Variants in NPAS3 observed in about 807,000 individuals in gnomAD.
NPAS3 encodes neuronal PAS domain protein 3, also known as neuronal PAS domain-containing protein 3.
In NPAS3, 14 loss-of-function variants were observed where a neutral mutation model predicts 73.1. The ratio of observed to expected loss-of-function variants is 0.19; its 90% CI spans 0.13 to 0.30. The LOEUF is 0.30. NPAS3 is among the 10% of genes least tolerant of loss of function. The pLI is 1.00. For synonymous variants in NPAS3, 620 were observed against 541.5 expected (o/e 1.14, Z -2.01); for missense variants, 1,096 against 1,250.0 (o/e 0.88, Z 1.86).
At chr14:33,038,057 C>A (rs2040228850) in intron 1 of NPAS3, among the ~76,000 whole-genome samples, 1 of 152,168 alleles carries the variant, frequency 6.6e-6, no homozygotes, top group Admixed American at 6.5e-5. Flanking sequence ...GATCTATTTC[C>A]TCTTTTCTGT....
chr14:33,784,741 ATTTATTT>A lies in NPAS3; in HGVS notation c.1153+6173_1153+6179del, dbSNP rs1357445516. Among the ~76,000 whole-genome samples, 629 of 72,560 alleles carry A rather than the reference ATTTATTT, an allele frequency of 8.7e-3. 3 individuals are homozygous for A. Among genetic ancestry groups the A allele is most frequent in the Non-Finnish European group, 0.012 (479 of 40,220 alleles). 47.6% of individuals were successfully genotyped at this position (72,560 alleles called of 152,430 possible). On this transcript the variant is annotated intron_variant, in intron 9 of 11. Transcript: ENST00000356141. ...GTTATTTTTATTTATTTATTTATTT[ATTTATTT>A]TTTTTTTTTTTTTTTTTTTGAGACA...
chr14:33,023,746 G>A (rs1405302380), intron 1 of NPAS3, among the ~76,000 whole-genome samples: 1 of 151,948 alleles, frequency 6.6e-6, no homozygotes, highest in Non-Finnish European at 1.5e-5. Context: ...ATATTCTTTT[G>A]TGTTTTTTAA....
At chr14:33,109,916 C>T (rs1363822231) in intron 2 of NPAS3, among the ~76,000 whole-genome samples, 1 of 150,024 alleles carries the variant, frequency 6.7e-6, no homozygotes, top group Non-Finnish European at 1.5e-5. Flanking sequence ...GATCCTCCCA[C>T]CTCAGCCTCC....
chr14:33,801,284 G>A (rs559678390), downstream of NPAS3: 8 of 1,342,168 alleles, frequency 6.0e-6, no homozygotes, highest in African/African-American at 7.4e-5. Flanking sequence ...TTCGTGTAAA[G>A]ATATGTTTAT....
intron 5 of NPAS3, among the ~76,000 whole-genome samples, chr14:33,651,134 G>A (rs1430202966): frequency 1.3e-5 from 2 of 152,202 alleles, no homozygotes; most frequent in African/African-American, 4.8e-5. Context: ...CAAGGCCCGT[G>A]CAGAAATCAT....
At chr14:33,193,348 T>C (rs187557538) in intron 2 of NPAS3, among the ~76,000 whole-genome samples, 156 of 152,230 alleles carry the variant, frequency 1.0e-3, no homozygotes, top group Admixed American at 2.9e-3. Context: ...ATCCCAGCCA[T>C]AGGGGAGTCA....
intron 6 of NPAS3, among the ~76,000 whole-genome samples, chr14:33,694,884 TCTG>T (rs1276656037): frequency 2.6e-5 from 4 of 152,192 alleles, no homozygotes; most frequent in African/African-American, 9.7e-5. Context: ...ATTCTCTGTG[TCTG>T]CTTTTTTGGT....
chr14:33,765,555 A>G (rs2062434715), intron 7 of NPAS3, among the ~76,000 whole-genome samples: 1 of 152,184 alleles, frequency 6.6e-6, no homozygotes, highest in Admixed American at 6.5e-5. Flanking sequence ...CACAGGAAAT[A>G]TGCCCTGATC....
At chr14:33,426,916 G>A (rs767123921) in intron 4 of NPAS3, among the ~76,000 whole-genome samples, 1 of 152,054 alleles carries the variant, frequency 6.6e-6, no homozygotes, top group Non-Finnish European at 1.5e-5. Context: ...AGGACTTTAT[G>A]CAGGAAAATA....
chr14:33,338,209 A>G (rs532910628), intron 3 of NPAS3, among the ~76,000 whole-genome samples: 55 of 152,276 alleles, frequency 3.6e-4, no homozygotes, highest in Non-Finnish European at 6.5e-4. Context: ...CTTCTTAGAT[A>G]TAAATTTTAT....
chr14:33,321,146 A>T (rs774884000), intron 3 of NPAS3, among the ~76,000 whole-genome samples: 3 of 151,616 alleles, frequency 2.0e-5, no homozygotes, highest in Admixed American at 1.3e-4. Flanking sequence ...CCTACCAGAC[A>T]TCAGTCTTCA....
At position 33,800,867 on chromosome 14, in the gene NPAS3, G is replaced by T; in HGVS notation, c.2560G>T (p.Val854Leu). 3 of 1,606,480 alleles carry T rather than the reference G, an allele frequency of 1.9e-6. No homozygotes were observed. The highest frequency in any genetic ancestry group is 2.5e-6 in the Non-Finnish European group (3 of 1,177,002). The change falls in exon 12 of 12, where the codon GTG (valine) becomes TTG (leucine). Residue 854 changes from valine to leucine, a missense_variant. Around this residue, in one of 5 missense-constraint regions of NPAS3, gnomAD observed 698 missense variants for 676.7 expected, o/e 1.03. Transcript: ENST00000356141. This position sits in a 1 kb window ranked among gnomAD's most constrained non-coding sequence, Gnocchi z 6.5. ...GCCCAACGCGCACGCTGTTAACTTC[G>T]TGGACGTTAACAGCCCCGGCTTTGG... is the stretch of plus-strand genomic sequence containing the variant.
chr14:33,089,348 G>T (rs2042145323), intron 2 of NPAS3, among the ~76,000 whole-genome samples: 1 of 152,192 alleles, frequency 6.6e-6, no homozygotes, highest in Non-Finnish European at 1.5e-5. Flanking sequence ...ACTATGTGAT[G>T]AATGCACAAG....
intron 6 of NPAS3, among the ~76,000 whole-genome samples, chr14:33,712,976 G>A (rs1235486638): frequency 6.6e-6 from 1 of 152,130 alleles, no homozygotes; most frequent in Non-Finnish European, 1.5e-5. Flanking sequence ...TCTCTATGCT[G>A]TGTGGGGTCA....
chr14:33,371,986 A>G (rs981806229), intron 4 of NPAS3, among the ~76,000 whole-genome samples: 1 of 152,202 alleles, frequency 6.6e-6, no homozygotes. Flanking sequence ...TGAACCCAGG[A>G]TGGTAACACT....
At chr14:33,698,866 TGCC>T (rs1295820488) in intron 6 of NPAS3, among the ~76,000 whole-genome samples, 37 of 152,338 alleles carry the variant, frequency 2.4e-4, no homozygotes, top group African/African-American at 8.4e-4. Flanking sequence ...AATATCATGC[TGCC>T]ATTTAAAAGA....
At chr14:33,256,857 T>C (rs2048796722) in intron 3 of NPAS3, among the ~76,000 whole-genome samples, 1 of 152,138 alleles carries the variant, frequency 6.6e-6, no homozygotes, top group Non-Finnish European at 1.5e-5. Flanking sequence ...AGCAAAAAAG[T>C]ATGGAAAGCT....
At position 33,026,568 on chromosome 14, in the gene NPAS3, T is replaced by C. The variant is rs143191674; in HGVS notation, c.51-29337T>C. 4.7e-3 allele frequency among the ~76,000 whole-genome samples: 709 copies of C among 152,244 alleles called. 3 individuals are homozygous for C. The highest frequency in any genetic ancestry group is 7.0e-3 in the Non-Finnish European group (476 of 68,016). The stretch of plus-strand genomic sequence containing the variant: ...TTTTGTTCCTCTCTGTTCACTGTGT[T>C]CTTCTTGCTGGTTTCTCATATTTTA... On this transcript the variant is annotated intron_variant, in intron 1 of 11. Transcript: ENST00000356141.
intron 2 of NPAS3, among the ~76,000 whole-genome samples, chr14:33,179,932 A>T (rs1326466591): frequency 6.6e-6 from 1 of 152,232 alleles, no homozygotes; most frequent in Non-Finnish European, 1.5e-5. Flanking sequence ...CTATGTAAAT[A>T]TTATGATAGA....
Sources: allele counts gnomAD v4.1 joint callset (sites outside exome capture counted in the v4.1 genomes callset), GRCh38; gene constraint gnomAD v4.1.1; regional missense constraint gnomAD v4.1.1; non-coding constraint Gnocchi (gnomAD v3.1); transcripts MANE v1.5; gene names NCBI Gene and HGNC (gene_info 2026-07-23, HGNC 2026-07-21).